KYNU: variants seen among roughly 807,000 people sequenced by gnomAD.
The protein encoded by KYNU is kynureninase, also known as L-kynurenine hydrolase.
KYNU carries 54 observed loss-of-function variants against 59.2 expected under a neutral mutation model. The ratio of observed to expected loss-of-function variants is 0.91; its 90% CI spans 0.73 to 1.14. The LOEUF (loss-of-function observed/expected upper bound fraction) is 1.14. KYNU is among the 50% of genes most tolerant of loss of function. The pLI, the probability that KYNU is intolerant of heterozygous loss-of-function variation, is 0.00. For missense variants in KYNU, 567 were observed against 554.4 expected (o/e 1.02, Z -0.23); for synonymous variants, 177 against 192.0 (o/e 0.92, Z 0.65).
intron 2 of KYNU, among the ~76,000 whole-genome samples, chr2:142,890,851 T>C (rs1445010468): frequency 6.6e-6 from 1 of 152,204 alleles, no homozygotes; most frequent in Admixed American, 6.5e-5. Context: ...AATTTGCAGT[T>C]CTTAGACAAC....
intron 2 of KYNU, among the ~76,000 whole-genome samples, chr2:142,893,575 CAT>C (rs1255192027): frequency 6.6e-6 from 1 of 151,668 alleles, no homozygotes; most frequent in Non-Finnish European, 1.5e-5. Context: ...TAAAAGGAAA[CAT>C]AACAAGGAAC....
Position 143,048,038 on chromosome 2 carries a change from T to A in KYNU, c.*5866T>A, listed in dbSNP as rs1423853549. 6.6e-6 allele frequency: 1 copy of A among 152,048 alleles called. No homozygotes were observed. The highest frequency in any genetic ancestry group is 2.4e-5 in the African/African-American group (1 of 41,376). The allele number at this position is 152,048 out of a possible 1,614,324, so 9.4% of individuals were successfully genotyped here. A position where few individuals can be genotyped will look rare whatever the true frequency, so the allele number is the denominator to read the frequency against. On this transcript the variant is annotated 3_prime_UTR_variant, in exon 14 of 14. Transcript: ENST00000264170. ...TTTTGTATTTTTCATAGAGACAGGA[T>A]TTCACCATGTTGGCTAGGCTGGTAT...
Position 142,900,217 on chromosome 2 carries a change from G to A in KYNU, c.169+14681G>A, listed in dbSNP as rs995509863. On this transcript the variant is annotated intron_variant, in intron 2 of 13. Transcript: ENST00000264170. ...GATCAGGAGTGGCAGCGGGCGCCTC[G>A]CTGGATCAGGAGCACAGTGAACACA... Among the ~76,000 whole-genome samples the A allele has an allele frequency of 1.7e-4, 26 of 152,306 alleles. No homozygotes were observed. In the South Asian group the frequency reaches 2.7e-3, roughly 16 times the overall value.
chr2:143,036,606 T>A lies in KYNU; in HGVS notation c.1041+3285T>A, dbSNP rs192777671. Among the ~76,000 whole-genome samples the A allele has an allele frequency of 1.1e-4, 16 of 152,346 alleles. No individual in the cohort carries two copies. In the East Asian group the frequency reaches 3.1e-3, roughly 29 times the overall value. ...AACATAAAGTATATTGATTTATTTA[T>A]TACAGCTAGCAGATATTTAAGAATG... On this transcript the variant is annotated intron_variant, in intron 12 of 13. Coordinates refer to ENST00000264170, the MANE Select transcript of KYNU (RefSeq NM_003937.3).
chr2:143,028,906 T>C (rs563534728), intron 10 of KYNU, among the ~76,000 whole-genome samples: 29 of 152,170 alleles, frequency 1.9e-4, no homozygotes, highest in African/African-American at 5.5e-4. Context: ...ACCAATTTCC[T>C]TTAAAAGTAT....
chr2:142,888,318 C>T lies in KYNU; in HGVS notation c.169+2782C>T, dbSNP rs141664589. Among the ~76,000 whole-genome samples, 1,186 of 152,092 alleles carry T rather than the reference C, an allele frequency of 7.8e-3. 10 individuals are homozygous for T. Among genetic ancestry groups the T allele is most frequent in the Middle Eastern group, 0.02 (6 of 294 alleles). The stretch of plus-strand genomic sequence containing the variant: ...ACAAATAATACAAAAATTAATTAGG[C>T]GTGATGGCATGTGCTTTTACTGCCA... On this transcript the variant is annotated intron_variant, in intron 2 of 13. Transcript: ENST00000264170.
chr2:143,032,234 C>T (rs1221136723), intron 11 of KYNU, among the ~76,000 whole-genome samples: 5 of 151,478 alleles, frequency 3.3e-5, no homozygotes, highest in East Asian at 1.9e-4. Flanking sequence ...GCCAAGATCG[C>T]GCCACTGCAT....
chr2:142,997,554 C>T (rs781780274), intron 10 of KYNU, among the ~76,000 whole-genome samples: 26 of 152,078 alleles, frequency 1.7e-4, no homozygotes, highest in Admixed American at 7.2e-4. Flanking sequence ...AAAGAATGTT[C>T]GCATTCCTGA....
At chr2:143,016,016 G>A (rs1686237039) in intron 10 of KYNU, among the ~76,000 whole-genome samples, 1 of 152,008 alleles carries the variant, frequency 6.6e-6, no homozygotes, top group African/African-American at 2.4e-5. Flanking sequence ...TTTTTCTCCA[G>A]ACTGTTCAAA....
intron 2 of KYNU, among the ~76,000 whole-genome samples, chr2:142,909,631 T>C (rs993498450): frequency 3.9e-5 from 6 of 152,240 alleles, no homozygotes; most frequent in African/African-American, 9.6e-5. Context: ...AATGACATGA[T>C]TGCATTCTTT....
At chr2:142,956,118 G>C (rs1369024105) in intron 5 of KYNU, 85 bp from the exon 6 acceptor site, 1 of 765,360 alleles carries the variant, frequency 1.3e-6, no homozygotes, top group Non-Finnish European at 2.3e-6. Flanking sequence ...AAATACTGGA[G>C]ATTATAAAAT....
At chr2:142,926,875 T>G (rs1683061834) in intron 3 of KYNU, among the ~76,000 whole-genome samples, 1 of 152,236 alleles carries the variant, frequency 6.6e-6, no homozygotes, top group African/African-American at 2.4e-5. Flanking sequence ...GAGACCCCCC[T>G]GCCTGCTTAC....
intron 10 of KYNU, among the ~76,000 whole-genome samples, chr2:143,022,605 A>G (rs1686440967): frequency 6.6e-6 from 1 of 151,998 alleles, no homozygotes; most frequent in African/African-American, 2.4e-5. Flanking sequence ...TTATCTACTA[A>G]AAAGTATTGA....
chr2:142,919,877 G>GTC (rs1345514287), intron 3 of KYNU, among the ~76,000 whole-genome samples: 1 of 152,158 alleles, frequency 6.6e-6, no homozygotes, highest in African/African-American at 2.4e-5. Context: ...TTCGAGACCA[G>GTC]TCTGACCAAC....
At chr2:143,030,662 AT>A (rs1686713238) in intron 11 of KYNU, among the ~76,000 whole-genome samples, 1 of 151,790 alleles carries the variant, frequency 6.6e-6, no homozygotes, top group South Asian at 2.1e-4. Context: ...GCTGATTATT[AT>A]TATTATTATT....
chr2:142,968,344 G>T (rs116311952), intron 8 of KYNU, among the ~76,000 whole-genome samples: 1 of 152,172 alleles, frequency 6.6e-6, no homozygotes, highest in Non-Finnish European at 1.5e-5. Flanking sequence ...TGGTAGGATT[G>T]CAGGGAAGCA....
At chr2:142,958,046 G>A (rs925974418) in intron 7 of KYNU, 1 of 269,794 alleles carries the variant, frequency 3.7e-6, no homozygotes, top group African/African-American at 2.3e-5. Flanking sequence ...ATGCCCATGG[G>A]TGCCATTAAA....
At chr2:143,002,188 A>C (rs1471329850) in intron 10 of KYNU, among the ~76,000 whole-genome samples, 1 of 152,224 alleles carries the variant, frequency 6.6e-6, no homozygotes, top group African/African-American at 2.4e-5. Flanking sequence ...AATAAATGCA[A>C]AAAAGAGATA....
intron 10 of KYNU, among the ~76,000 whole-genome samples, chr2:143,007,842 C>T (rs1195647568): frequency 1.7e-5 from 2 of 118,362 alleles, no homozygotes; most frequent in African/African-American, 3.9e-5. Context: ...AAATACTTTA[C>T]AGACAAGCAA....
Sources: gnomAD v4.1 joint callset for allele counts (sites outside exome capture counted in the v4.1 genomes callset) on GRCh38, gnomAD v4.1.1 for gene constraint, MANE v1.5 for transcripts, NCBI Gene and HGNC (gene_info 2026-07-23, HGNC 2026-07-21) for gene names.